Variants in DNAH11 observed in about 807,000 individuals in gnomAD.
The protein encoded by DNAH11 is axonemal beta dynein heavy chain 11.
Under a neutral mutation model 526.0 loss-of-function variants are expected in DNAH11, and 442 were observed. The observed-to-expected ratio is 0.84, with a 90% CI of 0.78 to 0.91. The LOEUF is 0.91. Among genes scored for constraint, DNAH11 ranks in the 40% least tolerant of loss-of-function variants. DNAH11 has a pLI of 0.00. For synonymous variants in DNAH11, 2,461 were observed against 1,935.9 expected (o/e 1.27, Z -7.12); for missense variants, 6,989 against 5,448.7 (o/e 1.28, Z -8.90).
intron 1 of DNAH11, among the ~76,000 whole-genome samples, chr7:21,543,999 G>A (rs10228845): frequency 0.44 from 67,446 of 151,866 alleles, 15,323 homozygotes; most frequent in Middle Eastern, 0.52. Context: ...CAGAGCGCAT[G>A]TAACTCGTCA....
At chr7:21,800,990 T>A in intron 61 of DNAH11, 147 bp from the exon 62 acceptor site, 1 of 791,364 alleles carries the variant, frequency 1.3e-6, no homozygotes, top group Non-Finnish European at 2.1e-6. Flanking sequence ...TTTTCCTTCT[T>A]CCCTAAAATA....
chr7:21,564,699 T>A (rs1446435386), intron 6 of DNAH11, among the ~76,000 whole-genome samples: 1 of 152,160 alleles, frequency 6.6e-6, no homozygotes, highest in East Asian at 1.9e-4. Flanking sequence ...AGTACCTTCT[T>A]TGTAGCCTTC....
intron 20 of DNAH11, among the ~76,000 whole-genome samples, chr7:21,612,734 GA>G (rs938077106): frequency 1.8e-4 from 28 of 151,784 alleles, no homozygotes; most frequent in African/African-American, 6.8e-4. Context: ...TATGAGAAAG[GA>G]AAAAAATATA....
intron 68 of DNAH11, among the ~76,000 whole-genome samples, chr7:21,854,936 T>G (rs16873033): frequency 0.032 from 4,822 of 152,144 alleles, 256 homozygotes; most frequent in African/African-American, 0.11. Context: ...TCTCAGGAAT[T>G]TTCATTTATA....
chr7:21,704,362 C>T (rs1784177436), intron 37 of DNAH11, 72 bp from the exon 38 acceptor site: 2 of 1,445,358 alleles, frequency 1.4e-6, no homozygotes, highest in Non-Finnish European at 9.4e-7. Flanking sequence ...GTAAAAATAA[C>T]AAACATCTTT....
intron 42 of DNAH11, 27 bp downstream of exon 42, chr7:21,711,887 A>G: frequency 1.9e-6 from 3 of 1,576,524 alleles, no homozygotes; most frequent in South Asian, 1.1e-5. Flanking sequence ...GTTTTATTGT[A>G]GTAAATTGTA....
intron 28 of DNAH11, among the ~76,000 whole-genome samples, chr7:21,655,142 G>A (rs906616628): frequency 3.3e-5 from 5 of 151,708 alleles, no homozygotes; most frequent in African/African-American, 4.9e-5. Context: ...ATTGGAGAAC[G>A]CAAAACTTAG....
chr7:21,621,909 G>A (rs867944570), intron 25 of DNAH11, among the ~76,000 whole-genome samples: 4,986 of 151,614 alleles, frequency 0.033, 264 homozygotes, highest in African/African-American at 0.11. Context: ...AAACTGGCAC[G>A]AGACAGGGAT....
At chr7:21,834,513 A>G (rs1286208358) in intron 65 of DNAH11, among the ~76,000 whole-genome samples, 2 of 152,176 alleles carry the variant, frequency 1.3e-5, no homozygotes, top group Non-Finnish European at 2.9e-5. Flanking sequence ...AATAGAGAAT[A>G]AAAGAAATAC....
At chr7:21,779,824 G>A (rs890115660) in intron 57 of DNAH11, among the ~76,000 whole-genome samples, 3 of 152,144 alleles carry the variant, frequency 2.0e-5, no homozygotes, top group Admixed American at 2.0e-4. Context: ...AAAATTGAGT[G>A]TATATGTGTA....
intron 62 of DNAH11, among the ~76,000 whole-genome samples, chr7:21,806,258 G>A (rs1162815243): frequency 6.6e-6 from 1 of 152,208 alleles, no homozygotes; most frequent in Non-Finnish European, 1.5e-5. Flanking sequence ...TTTGGAGAAT[G>A]AGTTGGATAC....
intron 57 of DNAH11, among the ~76,000 whole-genome samples, chr7:21,780,858 A>G (rs1205094237): frequency 6.6e-6 from 1 of 152,188 alleles, no homozygotes; most frequent in Non-Finnish European, 1.5e-5. Context: ...ATATTTGACA[A>G]GCAGGGGTCT....
intron 79 of DNAH11, among the ~76,000 whole-genome samples, chr7:21,897,685 A>G (rs887581822): frequency 6.6e-6 from 1 of 152,172 alleles, no homozygotes; most frequent in African/African-American, 2.4e-5. Context: ...ACGTGATCGC[A>G]GCTCACTGCA....
At position 21,766,703 on chromosome 7, in the gene DNAH11, T is replaced by C. The variant is rs542123726; in HGVS notation, c.9102+1114T>C. On this transcript the variant is annotated intron_variant, in intron 55 of 81. Coordinates refer to ENST00000409508, the MANE Select transcript of DNAH11 (RefSeq NM_001277115.2). ...TATTGTTCATAATATCATTTTCCTT[T>C]GCTTCTACAAAAAAAAAAAAAGCAG... Among the ~76,000 whole-genome samples, 8 of 141,054 alleles carry C rather than the reference T, an allele frequency of 5.7e-5. No homozygotes were observed. In the East Asian group the frequency reaches 1.6e-3, roughly 28 times the overall value. The allele number at this position is 141,054 out of a possible 152,430, so 92.5% of individuals were successfully genotyped here. A position where few individuals can be genotyped will look rare whatever the true frequency, so the allele number is the denominator to read the frequency against.
intron 9 of DNAH11, 21 bp from the exon 10 acceptor site, chr7:21,588,043 C>T: frequency 1.9e-6 from 3 of 1,610,098 alleles, no homozygotes; most frequent in Non-Finnish European, 2.5e-6. Context: ...CTTAATGTTG[C>T]CTTCACTTTG....
intron 49 of DNAH11, 83 bp downstream of exon 49, chr7:21,742,249 T>C (rs1284215740): frequency 2.0e-5 from 29 of 1,441,538 alleles, no homozygotes; most frequent in Non-Finnish European, 2.4e-5. Flanking sequence ...TATGTCACTA[T>C]AGAGAAACAC....
chr7:21,747,212 C>A (rs1168913026), intron 51 of DNAH11, among the ~76,000 whole-genome samples: 2 of 152,166 alleles, frequency 1.3e-5, no homozygotes, highest in African/African-American at 4.8e-5. Context: ...TAGCTTTCCC[C>A]AAGGTTGTTT....
At chr7:21,831,817 G>T (rs1328102132) in intron 65 of DNAH11, among the ~76,000 whole-genome samples, 1 of 152,166 alleles carries the variant, frequency 6.6e-6, no homozygotes, top group Non-Finnish European at 1.5e-5. Flanking sequence ...TTGGCCAGGC[G>T]CAGTGGCTCA....
intron 45 of DNAH11, among the ~76,000 whole-genome samples, chr7:21,729,093 C>A (rs753182494): frequency 6.6e-6 from 1 of 152,186 alleles, no homozygotes; most frequent in Admixed American, 6.5e-5. Context: ...CCTTTCGGGC[C>A]GGCCAGTGGT....
Sources: allele counts gnomAD v4.1 joint callset (sites outside exome capture counted in the v4.1 genomes callset), GRCh38; gene constraint gnomAD v4.1.1; transcripts MANE v1.5; gene names NCBI Gene and HGNC (gene_info 2026-07-23, HGNC 2026-07-21).